Variants in ANXA13 observed in about 807,000 individuals in gnomAD.
ANXA13 encodes annexin A13.
Under a neutral mutation model 46.6 loss-of-function variants are expected in ANXA13, and 36 were observed. The observed-to-expected ratio is 0.77, with a 90% confidence interval of 0.59 to 1.02. The LOEUF (loss-of-function observed/expected upper bound fraction) is 1.02. Among genes scored for constraint, ANXA13 ranks in the 50% least tolerant of loss-of-function variants. ANXA13 has a pLI of 0.00. For synonymous variants in ANXA13, 163 were observed against 152.9 expected (o/e 1.07, Z -0.49); for missense variants, 417 against 396.5 (o/e 1.05, Z -0.44).
chr8:123,684,088 T>C (rs58739042), intron 10 of ANXA13, among the ~76,000 whole-genome samples: 1 of 152,040 alleles, frequency 6.6e-6, no homozygotes, highest in African/African-American at 2.4e-5. Context: ...ACATTTCTTG[T>C]GGGGAAGGGA....
At chr8:123,683,424 C>T (rs1586309064) in intron 10 of ANXA13, among the ~76,000 whole-genome samples, 2 of 114,510 alleles carry the variant, frequency 1.7e-5, no homozygotes, top group South Asian at 3.0e-4. Context: ...CATTTAACCA[C>T]TTTTTTTTTT....
At chr8:123,697,269 G>A (rs1398299289) in intron 4 of ANXA13, among the ~76,000 whole-genome samples, 3 of 152,176 alleles carry the variant, frequency 2.0e-5, no homozygotes, top group East Asian at 1.9e-4. Flanking sequence ...CCGCCCTGGC[G>A]TTGGCTGCCT....
Position 123,716,195 on chromosome 8 carries a change from C to T in ANXA13, c.16-3442G>A, listed in dbSNP as rs532121745. ...CTGCCTCCCGGGTTCAAGCGATTCT[C>T]CTGCCTCAGCCACCCAAGTAGCTGG... On this transcript the variant is annotated intron_variant, in intron 1 of 10. Transcript: ENST00000419625. Among the ~76,000 whole-genome samples the T allele has an allele frequency of 3.3e-5, 5 of 152,308 alleles. No individual in the cohort carries two copies. In the South Asian group the frequency reaches 1.0e-3, roughly 32 times the overall value.
At chr8:123,720,381 G>A (rs1813840709) in intron 1 of ANXA13, among the ~76,000 whole-genome samples, 1 of 152,188 alleles carries the variant, frequency 6.6e-6, no homozygotes, top group Admixed American at 6.5e-5. Flanking sequence ...AGACACACCT[G>A]ATTCTCCTCG....
chr8:123,695,872 C>T (rs201127787), intron 4 of ANXA13, 151 bp from the exon 5 acceptor site: 24 of 651,908 alleles, frequency 3.7e-5, no homozygotes, highest in East Asian at 1.9e-4. Context: ...CCAGGGCACA[C>T]GCCTGGAGCG....
At chr8:123,710,169 G>C (rs1813628442) in intron 2 of ANXA13, among the ~76,000 whole-genome samples, 2 of 152,154 alleles carry the variant, frequency 1.3e-5, no homozygotes, top group African/African-American at 4.8e-5. Context: ...ATTCTACCAT[G>C]ACACCCATTC....
chr8:123,715,810 C>T (rs932763101), intron 1 of ANXA13, among the ~76,000 whole-genome samples: 2 of 152,186 alleles, frequency 1.3e-5, no homozygotes, highest in Non-Finnish European at 2.9e-5. Flanking sequence ...AAGGCTAGAA[C>T]CAGATTTTCT....
At chr8:123,717,895 T>C (rs1813787865) in intron 1 of ANXA13, among the ~76,000 whole-genome samples, 1 of 152,266 alleles carries the variant, frequency 6.6e-6, no homozygotes, top group Admixed American at 6.5e-5. Flanking sequence ...CGTGCTTGGC[T>C]TGGAGCCACT....
chr8:123,723,946 A>T (rs1813934345), intron 1 of ANXA13, among the ~76,000 whole-genome samples: 1 of 152,182 alleles, frequency 6.6e-6, no homozygotes, highest in South Asian at 2.1e-4. Context: ...TATGTTACAG[A>T]ATACACTGAA....
At position 123,698,448 on chromosome 8, in the gene ANXA13, T is replaced by G. The variant is rs747441231; in HGVS notation, c.298A>C (p.Lys100Gln). The G allele has an allele frequency of 1.9e-6, 3 of 1,614,014 alleles. No homozygotes were observed. In the African/African-American group the frequency reaches 4.0e-5, roughly 22 times the overall value. Residue 100 changes from lysine (K) to glutamine (Q), a missense_variant, in exon 4 of 11, where the codon AAG (lysine) becomes CAG (glutamine). Lys to Gln is a moderately conservative substitution (Grantham distance 53, BLOSUM62 1). Coordinates refer to ENST00000419625, the MANE Select transcript of ANXA13 (RefSeq NM_004306.4). The part of the protein sequence containing the change: ...YAARQLQKAM[K>Q]GLGTDESVLI... ...ACGGACTCATCTGTGCCCAGACCCT[T>G]CATAGCCTTCTGCAGCTGCCGGGCG...
intron 1 of ANXA13, among the ~76,000 whole-genome samples, chr8:123,719,799 T>C (rs976122505): frequency 6.6e-5 from 10 of 152,224 alleles, no homozygotes; most frequent in African/African-American, 2.4e-4. Flanking sequence ...CTCTGTTCAA[T>C]TGCTGTTTTG....
chr8:123,695,812 G>T, intron 4 of ANXA13, 91 bp from the exon 5 acceptor site: 1 of 1,117,208 alleles, frequency 9.0e-7, no homozygotes, highest in Non-Finnish European at 1.3e-6. Flanking sequence ...ACCATGTCTG[G>T]ACACAAAGTG....
At chr8:123,735,736 G>T (rs747246829) in intron 1 of ANXA13, 1 of 1,604,286 alleles carries the variant, frequency 6.2e-7, no homozygotes, top group Non-Finnish European at 8.5e-7. Flanking sequence ...ATGATTTGGG[G>T]GGAAAATAAA....
chr8:123,699,920 C>G (rs751862257), intron 3 of ANXA13, among the ~76,000 whole-genome samples: 1 of 152,204 alleles, frequency 6.6e-6, no homozygotes, highest in African/African-American at 2.4e-5. Flanking sequence ...CAATCCTTGT[C>G]AATACTGAGC....
At chr8:123,731,459 A>G in intron 1 of ANXA13, among the ~76,000 whole-genome samples, 1 of 152,336 alleles carries the variant, frequency 6.6e-6, no homozygotes, top group East Asian at 1.9e-4. Flanking sequence ...ATTTATCCAA[A>G]TTTTATTAAG....
intron 1 of ANXA13, chr8:123,728,419 C>G (rs1389872924): frequency 6.6e-6 from 1 of 152,164 alleles, no homozygotes; most frequent in East Asian, 1.9e-4. Context: ...AAATGAAGCA[C>G]GTTTCTCATT....
At chr8:123,706,580 AC>A (rs1329081151) in intron 2 of ANXA13, among the ~76,000 whole-genome samples, 1 of 151,704 alleles carries the variant, frequency 6.6e-6, no homozygotes, top group Non-Finnish European at 1.5e-5. Context: ...CCTCATCTCC[AC>A]CCCATCGCTC....
At chr8:123,718,035 C>T (rs1379914451) in intron 1 of ANXA13, among the ~76,000 whole-genome samples, 1 of 152,248 alleles carries the variant, frequency 6.6e-6, no homozygotes, top group Non-Finnish European at 1.5e-5. Context: ...CCTGCGATTC[C>T]TCGAGTGTTT....
At chr8:123,734,921 T>G (rs1222800566) in intron 1 of ANXA13, among the ~76,000 whole-genome samples, 2 of 151,666 alleles carry the variant, frequency 1.3e-5, no homozygotes, top group Non-Finnish European at 2.9e-5. Context: ...GAGGGAGATT[T>G]AATAGAAACA....
Sources: gnomAD v4.1 joint callset for allele counts (sites outside exome capture counted in the v4.1 genomes callset) on GRCh38, gnomAD v4.1.1 for gene constraint, MANE v1.5 for transcripts, NCBI Gene and HGNC (gene_info 2026-07-23, HGNC 2026-07-21) for gene names.